The following TMC2 variants were observed in gnomAD, a reference collection of about 807,000 sequenced individuals.
The protein encoded by TMC2 is transmembrane channel-like protein 2.
In TMC2, 102 loss-of-function variants were observed where a neutral mutation model predicts 105.9. The observed-to-expected ratio is 0.96, with a 90% confidence interval of 0.82 to 1.14. The LOEUF (loss-of-function observed/expected upper bound fraction) is 1.14. TMC2 is among the 50% of genes most tolerant of loss of function. The pLI is 0.00. For synonymous variants in TMC2, 402 were observed against 422.8 expected, an observed-to-expected ratio of 0.95 and a Z score of 0.60; for missense variants, 1,093 against 1,134.3, an observed-to-expected ratio of 0.96 and a Z score of 0.52.
At chr20:2,612,144 A>T in intron 12 of TMC2, 47 bp from the exon 13 acceptor site, 1 of 1,539,114 alleles carries the variant, frequency 6.5e-7, no homozygotes, top group Non-Finnish European at 8.8e-7. Context: ...AAACAGTTGG[A>T]CCATCCCTAG....
Position 2,597,258 on chromosome 20 carries a change from C to T in TMC2, c.1184C>T (p.Thr395Ile). 1 of 1,614,128 alleles carries T rather than the reference C, an allele frequency of 6.2e-7. No individual in the cohort carries two copies. The highest frequency in any genetic ancestry group is 8.5e-7 in the Non-Finnish European group (1 of 1,179,974). ...GACTACCTGATCGGGAATTCAGAGA[C>T]AGCTGATAACAAATATGCATCCATC... Reference protein sequence around the residue: ...SWDYLIGNSETADNKYASITT... With the variant: ...SWDYLIGNSEIADNKYASITT... The change falls in exon 10 of 20, where the codon ACA becomes ATA. Residue 395 changes from threonine to isoleucine, a missense_variant. Thr to Ile is a moderately conservative substitution (Grantham distance 89). Coordinates refer to ENST00000358864, the MANE Select transcript of TMC2 (RefSeq NM_080751.3).
At chr20:2,632,372 GA>G (rs1412292271) in intron 17 of TMC2, among the ~76,000 whole-genome samples, 2 of 152,090 alleles carry the variant, frequency 1.3e-5, no homozygotes, top group Admixed American at 1.3e-4. Context: ...TATTTGGTGA[GA>G]CATCATTTTG....
intron 17 of TMC2, among the ~76,000 whole-genome samples, chr20:2,626,241 T>C (rs1400195385): frequency 6.6e-6 from 1 of 152,240 alleles, no homozygotes; most frequent in African/African-American, 2.4e-5. Context: ...TTAATGAATC[T>C]GCAATTTGGG....
chr20:2,548,520 C>T (rs2085937713), intron 2 of TMC2, among the ~76,000 whole-genome samples: 1 of 151,976 alleles, frequency 6.6e-6, no homozygotes, highest in African/African-American at 2.4e-5. Context: ...TGCCTGTAAT[C>T]CCAGCTACTC....
At chr20:2,567,619 A>G (rs1302106559) in intron 4 of TMC2, among the ~76,000 whole-genome samples, 2 of 151,896 alleles carry the variant, frequency 1.3e-5, no homozygotes, top group African/African-American at 4.8e-5. Context: ...GCTGGTCTCG[A>G]ACTCTTGGCT....
intron 17 of TMC2, among the ~76,000 whole-genome samples, chr20:2,631,855 A>C (rs1175326587): frequency 1.3e-5 from 2 of 152,006 alleles, no homozygotes; most frequent in African/African-American, 2.4e-5. Flanking sequence ...ATTTATTCAA[A>C]TATTCTTTCT....
At chr20:2,603,314 A>G (rs1169415701) in intron 11 of TMC2, among the ~76,000 whole-genome samples, 1 of 152,172 alleles carries the variant, frequency 6.6e-6, no homozygotes, top group African/African-American at 2.4e-5. Context: ...CAGCAATTTA[A>G]AAAAAGAAGA....
At chr20:2,568,436 C>T (rs1006377408) in intron 4 of TMC2, among the ~76,000 whole-genome samples, 7 of 152,116 alleles carry the variant, frequency 4.6e-5, no homozygotes, top group Non-Finnish European at 8.8e-5. Context: ...TTGCAACTAG[C>T]CTTTGGTAGG....
chr20:2,589,192 T>G (rs551493847), intron 7 of TMC2, among the ~76,000 whole-genome samples: 8 of 152,216 alleles, frequency 5.3e-5, no homozygotes, highest in African/African-American at 7.2e-5. Context: ...TATTTTTGTC[T>G]AATTTTACTT....
At chr20:2,576,571 AG>A (rs2122867058) in intron 5 of TMC2, among the ~76,000 whole-genome samples, 1 of 152,300 alleles carries the variant, frequency 6.6e-6, no homozygotes, top group East Asian at 1.9e-4. Flanking sequence ...GCACCCTGAC[AG>A]GGGATCCATC....
In TMC2 at chr20:2,579,133, T is replaced by C. The variant is rs1434326837; in HGVS notation, c.646-13T>C. 1.4e-6 allele frequency: 2 copies of C among 1,476,132 alleles called. No homozygotes were observed. The highest frequency in any genetic ancestry group is 1.7e-5 in the Admixed American group (1 of 59,740). The allele number at this position is 1,476,132 out of a possible 1,614,324, so 91.4% of individuals were successfully genotyped here. A position where few individuals can be genotyped will look rare whatever the true frequency, so the allele number is the denominator to read the frequency against. ...ATGTTAAGGAACTGAGAGTTTTACGTCTTTTATTTCAGAAATGGGTCAAAT... is the reference window on the plus strand; with the variant it reads ...ATGTTAAGGAACTGAGAGTTTTACGCCTTTTATTTCAGAAATGGGTCAAAT... On this transcript the variant is annotated splice_polypyrimidine_tract_variant and intron_variant, in intron 5 of 19. Transcript: ENST00000358864.
intron 5 of TMC2, among the ~76,000 whole-genome samples, chr20:2,578,031 A>T (rs1013355099): frequency 6.6e-6 from 1 of 151,992 alleles, no homozygotes; most frequent in African/African-American, 2.4e-5. Flanking sequence ...TTTTAATAAT[A>T]GGAACCGGGC....
intron 17 of TMC2, among the ~76,000 whole-genome samples, chr20:2,634,965 T>C (rs1546931): frequency 0.76 from 115,291 of 152,174 alleles, 43,808 homozygotes; most frequent in East Asian, 0.87. Flanking sequence ...ATTGAGGCAG[T>C]TATGGATGGC....
At chr20:2,615,292 G>A (rs540234775) in intron 14 of TMC2, among the ~76,000 whole-genome samples, 34 of 152,380 alleles carry the variant, frequency 2.2e-4, no homozygotes, top group South Asian at 1.9e-3. Context: ...CTGCACTCCA[G>A]CCTGGGCAAC....
At chr20:2,596,519 G>C (rs750296693) in intron 9 of TMC2, among the ~76,000 whole-genome samples, 1 of 151,744 alleles carries the variant, frequency 6.6e-6, no homozygotes, top group Non-Finnish European at 1.5e-5. Flanking sequence ...TGTAATCCCA[G>C]CTACTCGGGA....
intron 3 of TMC2, among the ~76,000 whole-genome samples, chr20:2,559,973 C>T (rs1219332193): frequency 2.6e-5 from 4 of 152,092 alleles, no homozygotes; most frequent in African/African-American, 7.2e-5. Flanking sequence ...ATTCAGTTCC[C>T]GTTGCCTAGA....
In TMC2 at chr20:2,572,151, T is replaced by C. The variant is rs201201234; in HGVS notation, c.555-28T>C. The C allele has an allele frequency of 1.6e-5, 25 of 1,541,100 alleles. No homozygotes were observed. The African/African-American group carries it at 3.6e-4, about 22-fold the overall frequency. Reference sequence around the variant, plus strand: ...TCCTCTGGTTAGGTGCTAACTGAAATCCTGCTTTTTTTTTTTTTTCTAAGC... The same window carrying C: ...TCCTCTGGTTAGGTGCTAACTGAAACCCTGCTTTTTTTTTTTTTTCTAAGC... On this transcript the variant is annotated intron_variant, in intron 4 of 19. Transcript: ENST00000358864.
chr20:2,561,272 T>C (rs2122833160), intron 3 of TMC2, among the ~76,000 whole-genome samples: 1 of 152,354 alleles, frequency 6.6e-6, no homozygotes, highest in Non-Finnish European at 1.5e-5. Flanking sequence ...TGGGAATCTT[T>C]TAAGTATGTC....
At chr20:2,613,601 C>T (rs189113272) in intron 14 of TMC2, 58 of 399,140 alleles carry the variant, frequency 1.5e-4, no homozygotes, top group Non-Finnish European at 2.5e-4. Flanking sequence ...CACTCCAGTA[C>T]TGAGCCAATG....
Sources: gnomAD v4.1 joint callset for allele counts (sites outside exome capture counted in the v4.1 genomes callset) on GRCh38, gnomAD v4.1.1 for gene constraint, MANE v1.5 for transcripts, NCBI Gene and HGNC (gene_info 2026-07-23, HGNC 2026-07-21) for gene names.